MUC4: variants seen among roughly 807,000 people sequenced by gnomAD.
The protein encoded by MUC4 is mucin-4.
Under a neutral mutation model 257.9 loss-of-function variants are expected in MUC4, and 202 were observed. The observed-to-expected ratio is 0.78, with a 90% confidence interval of 0.70 to 0.88. The LOEUF (loss-of-function observed/expected upper bound fraction) is 0.88, where lower values mean the gene tolerates loss of function less well. MUC4 is among the 40% of genes least tolerant of loss of function. The pLI, the probability that MUC4 is intolerant of heterozygous loss-of-function variation, is 0.00. For synonymous variants in MUC4, 2,351 were observed against 2,757.1 expected, an observed-to-expected ratio of 0.85 and a Z score of 4.62; for missense variants, 5,976 against 6,513.7, an observed-to-expected ratio of 0.92 and a Z score of 2.84.
In MUC4 at chr3:195,790,251, T is replaced by C. The variant is rs761656087; in HGVS notation, c.1329A>G (p.Leu443=). ...TLSTALSPSS[L]PPKISTAFHT... is the part of the protein sequence containing the mutation. Reference sequence around the variant, plus strand: ...GGAAAGCTGTGGATATTTTTGGAGGTAGAGAACTGGGGGAGAGTGCTGTTG... The same window carrying C: ...GGAAAGCTGTGGATATTTTTGGAGGCAGAGAACTGGGGGAGAGTGCTGTTG... The change falls in exon 2 of 25, where the codon CTA becomes CTG. Residue 443 remains leucine, a synonymous_variant. Transcript: ENST00000463781. The C allele has an allele frequency of 2.0e-5, 32 of 1,613,834 alleles. No homozygotes were observed. In the African/African-American group the frequency reaches 2.7e-4, roughly 13 times the overall value.
chr3:195,789,235 G>C lies in MUC4; in HGVS notation c.2345C>G (p.Ser782Cys), dbSNP rs1458391081. The C allele has an allele frequency of 6.8e-6, 11 of 1,613,768 alleles. No homozygotes were observed. The highest frequency in any genetic ancestry group is 9.3e-6 in the Non-Finnish European group (11 of 1,179,852). ...CGGTTCGCTGGTCTGTGTTTGTCCA[G>C]AGGCCTCTGTGCTCTCAGCCTGGTG... ...HTHQAESTEA[S>C]GQTQTSEPAS... is the part of the protein sequence containing the mutation. Residue 782 changes from serine (S) to cysteine (C), a missense_variant, in exon 2 of 25, where the codon TCT becomes TGT. Transcript: ENST00000463781.
intron 18 of MUC4, among the ~76,000 whole-genome samples, chr3:195,756,349 C>T (rs1251178735): frequency 6.6e-6 from 1 of 152,234 alleles, no homozygotes; most frequent in Non-Finnish European, 1.5e-5. Flanking sequence ...CCACAACCAC[C>T]TTCCACCCCA....
In MUC4 at chr3:195,758,946, T is replaced by TG. The variant is rs879878712; in HGVS notation, c.14986+177dup. Reference sequence around the variant, plus strand: ...CCGTAAGCCCGTCACTACTACTTACTGGGGGGCACCTATTTGAGTTATAGA... The same window carrying TG: ...CCGTAAGCCCGTCACTACTACTTACTGGGGGGGCACCTATTTGAGTTATAGA... On this transcript the variant is annotated intron_variant, in intron 17 of 24. Transcript: ENST00000463781. Among the ~76,000 whole-genome samples, 68 of 152,166 alleles carry TG rather than the reference T, an allele frequency of 4.5e-4. 1 individual carries two copies. Among genetic ancestry groups the TG allele is most frequent in the Admixed American group, 3.8e-3 (58 of 15,296 alleles).
intron 8 of MUC4, 143 bp downstream of exon 8, chr3:195,766,520 G>T: frequency 1.4e-6 from 1 of 711,446 alleles, no homozygotes; most frequent in Admixed American, 2.3e-5. Flanking sequence ...ACCTAGACCT[G>T]TAGGAGGTTG....
rs1716805461 is a variant in MUC4 at position 195,753,077 on chromosome 3, T to C, written c.15482A>G (p.Asn5161Ser). 6.2e-7 allele frequency: 1 copy of C among 1,609,964 alleles called. No individual in the cohort carries two copies. The highest frequency in any genetic ancestry group is 8.5e-7 in the Non-Finnish European group (1 of 1,177,964). Residue 5161 changes from asparagine (N) to serine (S), a missense_variant, in exon 20 of 25, where the codon AAC (asparagine) becomes AGC (serine). By Grantham distance (46) the Asn-to-Ser change is conservative. Transcript: ENST00000463781. The part of the protein sequence containing the change: ...FTDSRCFLAG[N>S]NFSPTVNLEL... The stretch of plus-strand genomic sequence containing the variant: ...TAGGTTGACAGTTGGACTGAAGTTG[T>C]TCCCAGCCAGGAAGCAGCGGCTGTC...
chr3:195,750,433 C>G, intron 23 of MUC4: 1 of 197,352 alleles, frequency 5.1e-6, no homozygotes, highest in Non-Finnish European at 1.0e-5. Flanking sequence ...GGTGTTGAGG[C>G]CTGGCCTGGC....
At chr3:195,748,796 G>C in intron 24 of MUC4, 106 bp downstream of exon 24, 1 of 1,366,116 alleles carries the variant, frequency 7.3e-7, no homozygotes, top group Non-Finnish European at 9.7e-7. Context: ...CTCTTCCCTG[G>C]TCTCTGATCT....
At position 195,785,023 on chromosome 3, in the gene MUC4, G is replaced by A; in HGVS notation, c.6557C>T (p.Ser2186Phe). Reference protein sequence around the residue: ...SLPVTDTSSASTGHATPLPVT... With the variant: ...SLPVTDTSSAFTGHATPLPVT... ...AGGAAGAGGGGTGGCGTGACCTGTG[G>A]ATGCTGAGGAAGTGTCGGTGACAGG... is the stretch of plus-strand genomic sequence containing the variant. Residue 2186 changes from serine (S) to phenylalanine (F), a missense_variant, in exon 2 of 25, where the codon TCC (serine) becomes TTC (phenylalanine). By Grantham distance (155) the Ser-to-Phe change is radical (BLOSUM62 -2). Around this residue, in one of 44 missense-constraint regions of MUC4, gnomAD observed 85 missense variants for 325.0 expected, o/e 0.26. Coordinates refer to ENST00000463781, the MANE Select transcript of MUC4 (RefSeq NM_018406.7). 1 of 1,549,766 alleles carries A rather than the reference G, an allele frequency of 6.5e-7. No homozygotes were observed. Among genetic ancestry groups the A allele is most frequent in the Non-Finnish European group, 8.7e-7 (1 of 1,146,350 alleles).
At position 195,783,039 on chromosome 3, in the gene MUC4, G is replaced by A. The variant is rs766647266; in HGVS notation, c.8541C>T (p.Thr2847=). The A allele has an allele frequency of 2.4e-5, 26 of 1,093,954 alleles. 2 individuals are homozygous for A. The highest frequency in any genetic ancestry group is 6.2e-4 in the Middle Eastern group (2 of 3,244). The allele number at this position is 1,093,954 out of a possible 1,614,324, so 67.8% of individuals were successfully genotyped here. A position where few individuals can be genotyped will look rare whatever the true frequency, so the allele number is the denominator to read the frequency against. Residue 2847 remains threonine (T), a synonymous_variant, in exon 2 of 25, where the codon ACC becomes ACT. Coordinates refer to ENST00000463781, the MANE Select transcript of MUC4 (RefSeq NM_018406.7). The part of the protein sequence containing the change: ...IPSSASSGHT[T]PLPVTDASSV... ...AGGAAGCGTCGGTGACAGGAAGAGG[G>A]GTGGTGTGACCTGAGGATGCTGAGG... is the stretch of plus-strand genomic sequence containing the variant.
rs533068228 is a variant in MUC4, at chr3:195,811,570, C to T, written c.82+166G>A. Among the ~76,000 whole-genome samples the T allele has an allele frequency of 2.6e-5, 4 of 152,068 alleles. No homozygotes were observed. In the East Asian group the frequency reaches 7.7e-4, roughly 29 times the overall value. On this transcript the variant is annotated intron_variant, in intron 1 of 24. Coordinates refer to ENST00000463781, the MANE Select transcript of MUC4 (RefSeq NM_018406.7). Reference sequence around the variant, plus strand: ...ATGTTGTCCCATTCATCTCTTTCTCCTTTCCCTCTCCCTCTTTTTCTCTCC... The same window carrying T: ...ATGTTGTCCCATTCATCTCTTTCTCTTTTCCCTCTCCCTCTTTTTCTCTCC...
At chr3:195,773,922 G>A (rs1249942697) in intron 4 of MUC4, among the ~76,000 whole-genome samples, 1 of 152,268 alleles carries the variant, frequency 6.6e-6, no homozygotes, top group African/African-American at 2.4e-5. Context: ...GAACAGTCCA[G>A]TTTCCCAAGT....
intron 1 of MUC4, among the ~76,000 whole-genome samples, chr3:195,805,770 G>A (rs564145097): frequency 4.6e-5 from 7 of 152,166 alleles, no homozygotes; most frequent in Admixed American, 2.0e-4. Context: ...GTGCTGGGAT[G>A]ACAGCCATGA....
intron 12 of MUC4, 83 bp downstream of exon 12, chr3:195,763,350 C>G (rs1719661935): frequency 7.6e-7 from 1 of 1,318,778 alleles, no homozygotes; most frequent in Non-Finnish European, 9.9e-7. Context: ...CTCCTTCGCT[C>G]TCTTCCTTCT....
Position 195,767,912 on chromosome 3 carries a change from A to ACCACCAC in MUC4, c.13529+1109_13529+1110insGTGGTGG, listed in dbSNP as rs1560266515. ...CACCACCACCATCACCACCATCACC[A>ACCACCAC]TCGCCACTGCCACCTCCACCGCCAC... is the stretch of plus-strand genomic sequence containing the variant. On this transcript the variant is annotated intron_variant, in intron 7 of 24. Coordinates refer to ENST00000463781, the MANE Select transcript of MUC4 (RefSeq NM_018406.7). Among the ~76,000 whole-genome samples, 679 of 111,770 alleles carry ACCACCAC rather than the reference A, an allele frequency of 6.1e-3. 26 individuals carry two copies. Among genetic ancestry groups the ACCACCAC allele is most frequent in the African/African-American group, 0.037 (642 of 17,524 alleles). The allele number at this position is 111,770 out of a possible 152,430, so 73.3% of individuals were successfully genotyped here. A position where few individuals can be genotyped will look rare whatever the true frequency, so the allele number is the denominator to read the frequency against.
rs562196134 is a variant in MUC4, at chr3:195,773,412, A to G, written c.13077+760T>C. On this transcript the variant is annotated intron_variant, in intron 4 of 24. Transcript: ENST00000463781. ...TGCAGACACCCCATCTCCATCACTT[A>G]GGGGGTGGAAACCTCTCTCTCACTC... 3.6e-4 allele frequency among the ~76,000 whole-genome samples: 52 copies of G among 146,222 alleles called. No homozygotes were observed. The South Asian group carries it at 4.7e-3, about 13-fold the overall frequency.
chr3:195,794,633 A>C (rs962335669), intron 1 of MUC4, among the ~76,000 whole-genome samples: 1 of 152,076 alleles, frequency 6.6e-6, no homozygotes, highest in Non-Finnish European at 1.5e-5. Context: ...AAGTACTGGG[A>C]TTAAAGGTGT....
In MUC4 at chr3:195,767,745, TCGC is replaced by T. The variant is rs1300823651; in HGVS notation, c.13530-997_13530-995del. On this transcript the variant is annotated intron_variant, in intron 7 of 24. Transcript: ENST00000463781. ...ACCACCATCACCACCACCATCACCA[TCGC>T]CACCACCACCATCACCACCACCACC... Among the ~76,000 whole-genome samples, 26 of 12,764 alleles carry T rather than the reference TCGC, an allele frequency of 2.0e-3. 2 individuals carry two copies. Among genetic ancestry groups the T allele is most frequent in the African/African-American group, 4.7e-3 (11 of 2,350 alleles). 8.4% of individuals were successfully genotyped at this position (12,764 alleles called of 152,430 possible). A position where few individuals can be genotyped will look rare whatever the true frequency, so the allele number is the denominator to read the frequency against.
chr3:195,747,497 C>A, intron 24 of MUC4, 117 bp from the exon 25 acceptor site: 1 of 1,211,692 alleles, frequency 8.3e-7, no homozygotes, highest in Non-Finnish European at 1.2e-6. Flanking sequence ...CCCCACTCTC[C>A]GGAGAGACTG....
chr3:195,762,051 C>T, intron 14 of MUC4, 36 bp downstream of exon 14: 1 of 1,554,580 alleles, frequency 6.4e-7, no homozygotes, highest in Non-Finnish European at 8.6e-7. Flanking sequence ...CGGCTGGCTC[C>T]GCGGAGCCTC....
Sources: gnomAD v4.1 joint callset for allele counts (sites outside exome capture counted in the v4.1 genomes callset) on GRCh38, gnomAD v4.1.1 for gene constraint, gnomAD v4.1.1 regional missense constraint, MANE v1.5 for transcripts, NCBI Gene and HGNC (gene_info 2026-07-23, HGNC 2026-07-21) for gene names.